Variants in RTN4 observed in about 807,000 individuals in gnomAD.
RTN4 encodes the protein reticulon-4.
A neutral mutation model predicts 90.4 loss-of-function variants in RTN4; 32 were observed. The ratio of observed to expected loss-of-function variants is 0.35; its 90% CI spans 0.27 to 0.48. The LOEUF is 0.48. Ranked by LOEUF, RTN4 falls within the 20% of genes least tolerant of loss-of-function variation. The pLI is 0.99. For missense variants in RTN4, 1,706 were observed against 1,430.2 expected, an observed-to-expected ratio of 1.19 and a Z score of -3.11; for synonymous variants, 629 against 552.5, an observed-to-expected ratio of 1.14 and a Z score of -1.94.
intron 3 of RTN4, among the ~76,000 whole-genome samples, chr2:54,996,502 G>A (rs55762835): frequency 0.12 from 18,435 of 152,156 alleles, 1,146 homozygotes; most frequent in Middle Eastern, 0.16. Context: ...TAGATTAGTG[G>A]AATACAACTG....
rs577850254 is a variant in RTN4, at chr2:54,981,719, C to T, written c.3360+796G>A. Among the ~76,000 whole-genome samples the T allele has an allele frequency of 7.3e-4, 111 of 152,146 alleles. 2 individuals are homozygous for T. Among genetic ancestry groups the T allele is most frequent in the African/African-American group, 2.6e-3 (108 of 41,496 alleles). Reference sequence around the variant, plus strand: ...AGATCCAAAAACTAAAGAAAAACTTCCAATGATTACCAGTTGAAGATTAGT... The same window carrying T: ...AGATCCAAAAACTAAAGAAAAACTTTCAATGATTACCAGTTGAAGATTAGT... On this transcript the variant is annotated intron_variant, in intron 5 of 8. Transcript: ENST00000337526.
intron 3 of RTN4, 73 bp from the exon 4 acceptor site, chr2:54,987,771 A>C: frequency 7.9e-7 from 1 of 1,259,194 alleles, no homozygotes; most frequent in Non-Finnish European, 1.1e-6. Flanking sequence ...CTATGAAAAC[A>C]AAAACGCTAC....
chr2:54,986,835 T>G (rs146594580), intron 4 of RTN4, among the ~76,000 whole-genome samples: 2 of 152,110 alleles, frequency 1.3e-5, no homozygotes, highest in Non-Finnish European at 2.9e-5. Context: ...ATGAGTTTTA[T>G]GGTATATGAA....
intron 1 of RTN4, among the ~76,000 whole-genome samples, chr2:55,099,111 T>C (rs1406142329): frequency 6.6e-6 from 1 of 152,146 alleles, no homozygotes; most frequent in Admixed American, 6.5e-5. Context: ...CTTTGTTGTT[T>C]AGTGGCTGAA....
chr2:55,107,523 G>A (rs1667964796), intron 1 of RTN4, among the ~76,000 whole-genome samples: 1 of 151,916 alleles, frequency 6.6e-6, no homozygotes, highest in African/African-American at 2.4e-5. Context: ...CAGCCAGTAT[G>A]AGACTGCCTG....
At chr2:55,004,472 T>G (rs1680064119) in intron 3 of RTN4, among the ~76,000 whole-genome samples, 1 of 152,162 alleles carries the variant, frequency 6.6e-6, no homozygotes, top group Non-Finnish European at 1.5e-5. Context: ...TTGGAATAAA[T>G]GATTAACAGA....
chr2:55,133,700 G>A, the RTN4 span, among the ~76,000 whole-genome samples: 1 of 152,142 alleles, frequency 6.6e-6, no homozygotes, highest in African/African-American at 2.4e-5. Flanking sequence ...ACCATAAATA[G>A]CTCTCACCGT....
intron 2 of RTN4, among the ~76,000 whole-genome samples, chr2:55,074,188 C>T (rs917912792): frequency 7.9e-5 from 12 of 152,126 alleles, no homozygotes; most frequent in Admixed American, 7.9e-4. Flanking sequence ...GAAGCTAGGT[C>T]AGAGATGAAT....
At chr2:54,974,545 T>A (rs1677447234) in intron 6 of RTN4, 150 bp downstream of exon 6, 1 of 647,638 alleles carries the variant, frequency 1.5e-6, no homozygotes, top group Admixed American at 2.7e-5. Flanking sequence ...CCTCCCAAAG[T>A]GCTGGGATTA....
chr2:55,008,087 T>C (rs1680364613), intron 3 of RTN4, among the ~76,000 whole-genome samples: 1 of 151,676 alleles, frequency 6.6e-6, no homozygotes. Flanking sequence ...TGCAAATTAT[T>C]AATGCTTTCA....
intron 1 of RTN4, 134 bp downstream of exon 1, chr2:55,049,611 C>A (rs1213923093): frequency 7.0e-7 from 1 of 1,419,536 alleles, no homozygotes; most frequent in Non-Finnish European, 9.7e-7. Context: ...CCAGACGGGG[C>A]GCCATCGCCC....
At chr2:55,022,598 G>A (rs908101581) in intron 3 of RTN4, among the ~76,000 whole-genome samples, 7 of 151,950 alleles carry the variant, frequency 4.6e-5, no homozygotes, top group African/African-American at 1.7e-4. Flanking sequence ...TGGCTATTCC[G>A]CTACGTCATT....
the RTN4 span, among the ~76,000 whole-genome samples, chr2:55,121,507 TTC>T: frequency 6.6e-6 from 1 of 152,262 alleles, no homozygotes; most frequent in Non-Finnish European, 1.5e-5. Flanking sequence ...TTGATTCATG[TTC>T]TGTTTATTAC....
At chr2:55,066,797 T>C (rs959628625) in intron 2 of RTN4, among the ~76,000 whole-genome samples, 2 of 152,178 alleles carry the variant, frequency 1.3e-5, no homozygotes, top group African/African-American at 2.4e-5. Flanking sequence ...TTGAGCCATA[T>C]GAAATTGTCA....
the RTN4 span, among the ~76,000 whole-genome samples, chr2:55,129,488 G>C: frequency 6.6e-6 from 1 of 152,112 alleles, no homozygotes; most frequent in African/African-American, 2.4e-5. Flanking sequence ...GTTGAGATAG[G>C]AGGATTGCCT....
At chr2:55,013,255 G>C (rs777756988) in intron 3 of RTN4, among the ~76,000 whole-genome samples, 1 of 151,992 alleles carries the variant, frequency 6.6e-6, no homozygotes, top group Non-Finnish European at 1.5e-5. Context: ...GCTTTATACA[G>C]AACTTTTGAA....
intron 1 of RTN4, among the ~76,000 whole-genome samples, chr2:55,103,846 C>T (rs1476033104): frequency 1.3e-5 from 2 of 151,826 alleles, no homozygotes; most frequent in African/African-American, 4.8e-5. Flanking sequence ...AGGCTCCCAC[C>T]ACCACACCCG....
At chr2:54,991,827 G>A (rs1164973332) in intron 3 of RTN4, among the ~76,000 whole-genome samples, 1 of 151,914 alleles carries the variant, frequency 6.6e-6, no homozygotes, top group Non-Finnish European at 1.5e-5. Context: ...AAAACTTTAG[G>A]AAAATAACAA....
At chr2:55,016,088 A>G (rs1681014597) in intron 3 of RTN4, among the ~76,000 whole-genome samples, 1 of 151,856 alleles carries the variant, frequency 6.6e-6, no homozygotes, top group African/African-American at 2.4e-5. Flanking sequence ...CAAAGGAACA[A>G]TCTAAGGGTC....
Sources: gnomAD v4.1 joint callset for allele counts (sites outside exome capture counted in the v4.1 genomes callset) on GRCh38, gnomAD v4.1.1 for gene constraint, MANE v1.5 for transcripts, NCBI Gene and HGNC (gene_info 2026-07-23, HGNC 2026-07-21) for gene names.